PTGER3: variants seen among roughly 807,000 people sequenced by gnomAD.
PTGER3 encodes the protein prostaglandin E receptor 3, also known as prostaglandin E2 receptor EP3 subtype.
PTGER3 carries 22 observed loss-of-function variants against 34.7 expected under a neutral mutation model. That is an observed-to-expected ratio of 0.63 (90% CI 0.45 to 0.91). The LOEUF (loss-of-function observed/expected upper bound fraction) is 0.91. Ranked by LOEUF, PTGER3 falls within the 40% of genes least tolerant of loss-of-function variation. PTGER3 has a pLI of 0.00. For missense variants in PTGER3, 468 were observed against 519.4 expected (o/e 0.90, Z 0.96); for synonymous variants, 241 against 230.1 (o/e 1.05, Z -0.43).
At chr1:70,981,449 T>A (rs1034563514) in intron 2 of PTGER3, among the ~76,000 whole-genome samples, 12 of 150,564 alleles carry the variant, frequency 8.0e-5, no homozygotes, top group Admixed American at 6.7e-4. Context: ...AGTCTGTCTC[T>A]GTCACCTAGG....
At position 71,047,414 on chromosome 1, in the gene PTGER3, G is replaced by T. The variant is rs1372184127; in HGVS notation, c.164C>A (p.Pro55Gln). ...EDCGSVSVAFPITMLLTGFVG... is the reference protein window; with the variant it reads ...EDCGSVSVAFQITMLLTGFVG... ...GAAACCAGTGAGCAGCATGGTGATC[G>T]GGAAGGCCACGGACACCGATCCGCA... Residue 55 changes from proline (P) to glutamine (Q), a missense_variant, in exon 1 of 4, where the codon CCG becomes CAG. This residue lies in a region of PTGER3 where 151 missense variants were observed against 133.5 expected (regional missense o/e 1.13). Transcript: ENST00000306666. The T allele has an allele frequency of 6.2e-7, 1 of 1,611,736 alleles. No individual in the cohort carries two copies.
At chr1:70,991,816 T>G (rs1458405607) in intron 2 of PTGER3, among the ~76,000 whole-genome samples, 3 of 152,144 alleles carry the variant, frequency 2.0e-5, no homozygotes, top group Non-Finnish European at 4.4e-5. Context: ...TGACAGTGAT[T>G]TACTGTGTTA....
chr1:70,919,565 T>A (rs948118512), intron 4 of PTGER3, among the ~76,000 whole-genome samples: 7 of 152,208 alleles, frequency 4.6e-5, no homozygotes, highest in Non-Finnish European at 1.0e-4. Flanking sequence ...TATTGAATGT[T>A]ATTTCAATTC....
chr1:70,852,785 CA>C, exon 5 of PTGER3: 1 of 1,596,992 alleles, frequency 6.3e-7, no homozygotes, highest in Non-Finnish European at 8.6e-7. Context: ...TTTTCTTTTA[CA>C]AAAAGAGAGT....
intron 4 of PTGER3, among the ~76,000 whole-genome samples, chr1:70,899,522 T>C (rs1486106669): frequency 6.6e-6 from 1 of 152,010 alleles, no homozygotes; most frequent in African/African-American, 2.4e-5. Flanking sequence ...TTTGAAGCAA[T>C]TGCAAGGAGT....
At chr1:71,028,174 G>GT (rs1473690471) in intron 1 of PTGER3, among the ~76,000 whole-genome samples, 57 of 152,268 alleles carry the variant, frequency 3.7e-4, no homozygotes, top group African/African-American at 1.1e-3. Flanking sequence ...CTACAGGAAT[G>GT]TGCCGGGGTT....
At chr1:71,016,289 T>C (rs1469605160) in intron 1 of PTGER3, among the ~76,000 whole-genome samples, 1 of 152,108 alleles carries the variant, frequency 6.6e-6, no homozygotes, top group African/African-American at 2.4e-5. Context: ...CAGCAAGAAA[T>C]TGCAGACACA....
intron 4 of PTGER3, among the ~76,000 whole-genome samples, chr1:70,901,427 T>C (rs1646836307): frequency 6.6e-6 from 1 of 152,178 alleles, no homozygotes; most frequent in African/African-American, 2.4e-5. Flanking sequence ...TCCATTAACA[T>C]ACTACCACGA....
chr1:70,852,954 A>T, intron 4 of PTGER3: 4 of 1,385,282 alleles, frequency 2.9e-6, no homozygotes, highest in Non-Finnish European at 4.1e-6. Flanking sequence ...CATAAATTTC[A>T]GATTATGAAC....
intron 2 of PTGER3, among the ~76,000 whole-genome samples, chr1:70,959,210 T>A (rs1651668962): frequency 6.6e-6 from 1 of 152,224 alleles, no homozygotes; most frequent in Admixed American, 6.5e-5. Context: ...CTGTGAGGAA[T>A]GTCACTAGTA....
At chr1:70,903,281 TG>T (rs1362017227) in intron 4 of PTGER3, among the ~76,000 whole-genome samples, 7 of 152,186 alleles carry the variant, frequency 4.6e-5, no homozygotes, top group Non-Finnish European at 1.0e-4. Flanking sequence ...TCTCCAGAAC[TG>T]GAAGAAAATA....
exon 4 of PTGER3, chr1:70,952,633 G>A (rs1650873200): frequency 9.4e-7 from 1 of 1,060,678 alleles, no homozygotes; most frequent in Non-Finnish European, 1.1e-6. Context: ...AAAAATTTCT[G>A]TTGACTAAAG....
At chr1:70,968,974 A>G (rs761492946), downstream of PTGER3, among the ~76,000 whole-genome samples, 34 of 152,116 alleles carry the variant, frequency 2.2e-4, 1 homozygote, top group Non-Finnish European at 4.3e-4. Flanking sequence ...TGGGGGGTTG[A>G]GGCGAGTGGA....
chr1:70,975,819 G>A (rs945690030), intron 2 of PTGER3, among the ~76,000 whole-genome samples: 9 of 152,140 alleles, frequency 5.9e-5, no homozygotes, highest in Non-Finnish European at 7.4e-5. Flanking sequence ...AAGGAGAACA[G>A]GTTTTTGGGG....
intron 4 of PTGER3, among the ~76,000 whole-genome samples, chr1:70,945,322 A>G (rs2100560083): frequency 6.6e-6 from 1 of 152,284 alleles, no homozygotes; most frequent in South Asian, 2.1e-4. Flanking sequence ...GTGAAAAGGA[A>G]CACAGGAGAT....
At chr1:70,917,737 C>A (rs1647216106) in intron 4 of PTGER3, among the ~76,000 whole-genome samples, 1 of 151,842 alleles carries the variant, frequency 6.6e-6, no homozygotes, top group Non-Finnish European at 1.5e-5. Context: ...TTGATAATAG[C>A]CATTCTAACT....
At chr1:70,855,646 T>G (rs1022387530) in intron 4 of PTGER3, among the ~76,000 whole-genome samples, 19 of 152,158 alleles carry the variant, frequency 1.2e-4, no homozygotes, top group African/African-American at 4.3e-4. Flanking sequence ...AAAAGAAATT[T>G]GAAAGAATTA....
intron 4 of PTGER3, among the ~76,000 whole-genome samples, chr1:70,944,051 A>G (rs1288611599): frequency 6.6e-6 from 1 of 152,146 alleles, no homozygotes; most frequent in Non-Finnish European, 1.5e-5. Flanking sequence ...ATTAGATAGT[A>G]TAGTTGACAT....
chr1:71,020,269 A>C (rs1658283611), intron 1 of PTGER3, among the ~76,000 whole-genome samples: 1 of 152,100 alleles, frequency 6.6e-6, no homozygotes, highest in Non-Finnish European at 1.5e-5. Context: ...AACATTAAAA[A>C]AATTAGTAGA....
Sources: allele counts gnomAD v4.1 joint callset (sites outside exome capture counted in the v4.1 genomes callset), GRCh38; gene constraint gnomAD v4.1.1; regional missense constraint gnomAD v4.1.1; transcripts MANE v1.5; gene names NCBI Gene and HGNC (gene_info 2026-07-23, HGNC 2026-07-21).